TRPM3: variants seen among roughly 807,000 people sequenced by gnomAD.
TRPM3 encodes long transient receptor potential channel 3.
Under a neutral mutation model 181.2 loss-of-function variants are expected in TRPM3, and 77 were observed. The ratio of observed to expected loss-of-function variants is 0.42; its 90% CI spans 0.35 to 0.51. The LOEUF is 0.51. Among genes scored for constraint, TRPM3 ranks in the 20% least tolerant of loss-of-function variants. The pLI is 0.01. For synonymous variants in TRPM3, 745 were observed against 796.4 expected (o/e 0.94, Z 1.09); for missense variants, 1,759 against 2,196.7 (o/e 0.80, Z 3.98).
chr9:70,778,269 C>T (rs1232828767), intron 7 of TRPM3, among the ~76,000 whole-genome samples: 3 of 152,116 alleles, frequency 2.0e-5, no homozygotes, highest in Admixed American at 6.6e-5. Flanking sequence ...GTGAAGAATG[C>T]GCCACGCATT....
In TRPM3 at chr9:70,559,200, T is replaced by C. The variant is rs572763933; in HGVS notation, c.3224-5890A>G. On this transcript the variant is annotated intron_variant, in intron 22 of 25. Coordinates refer to ENST00000677713, the MANE Select transcript of TRPM3 (RefSeq NM_001366145.2). Reference sequence around the variant, plus strand: ...CTCTAGAACACTACCTGGCACATAGTAGGTGCTCAATAAACAATGGCTGAA... The same window carrying C: ...CTCTAGAACACTACCTGGCACATAGCAGGTGCTCAATAAACAATGGCTGAA... Among the ~76,000 whole-genome samples, 140 of 152,340 alleles carry C rather than the reference T, an allele frequency of 9.2e-4. 1 individual carries two copies. Among genetic ancestry groups the C allele is most frequent in the Non-Finnish European group, 1.7e-3 (115 of 68,030 alleles).
At chr9:71,342,087 T>A (rs1054055350) in intron 1 of TRPM3, among the ~76,000 whole-genome samples, 12 of 151,550 alleles carry the variant, frequency 7.9e-5, no homozygotes, top group African/African-American at 2.9e-4. Context: ...AGAAACACTA[T>A]TTCTCATCTA....
At position 70,824,154 on chromosome 9, in the gene TRPM3, G is replaced by A. The variant is rs888967923; in HGVS notation, c.973+3693C>T. 4.6e-5 allele frequency among the ~76,000 whole-genome samples: 7 copies of A among 152,286 alleles called. No individual in the cohort carries two copies. In the East Asian group the frequency reaches 5.8e-4, roughly 13 times the overall value. ...ACCATTTATGTAAGAAAACAGGCTC[G>A]TTGATAGGATACTACAGTATGCAGG... On this transcript the variant is annotated intron_variant, in intron 6 of 25. Transcript: ENST00000677713.
Position 70,537,054 on chromosome 9 carries a change from C to T in TRPM3, c.4059G>A (p.Ser1353=), listed in dbSNP as rs3739776. 898,376 of 1,611,172 alleles carry T rather than the reference C, an allele frequency of 0.56. 253,075 individuals carry two copies. Among genetic ancestry groups the T allele is most frequent in the East Asian group, 0.7 (31,514 of 44,786 alleles). ...MPRMRSHSFY[S]VNMKDKGGIE... is the part of the protein sequence containing the mutation. ...TACCACCTTTGTCTTTCATATTGAC[C>T]GAATAGAAAGAATGGCTTCGCATAC... The change falls in exon 26 of 26, where the codon TCG becomes TCA. Residue 1353 remains serine, a synonymous_variant. Coordinates refer to ENST00000677713, the MANE Select transcript of TRPM3 (RefSeq NM_001366145.2).
Position 70,583,275 on chromosome 9 carries a change from G to A in TRPM3, c.3223+7756C>T, listed in dbSNP as rs118039991. 9.8e-5 allele frequency among the ~76,000 whole-genome samples: 15 copies of A among 152,320 alleles called. No individual in the cohort carries two copies. The East Asian group carries it at 1.2e-3, about 12-fold the overall frequency. ...AAGAAATGTGAGTCTGCACATACACGTGAGAGTGTATGAGAGTGAACGCTA... is the reference window on the plus strand; with the variant it reads ...AAGAAATGTGAGTCTGCACATACACATGAGAGTGTATGAGAGTGAACGCTA... On this transcript the variant is annotated intron_variant, in intron 22 of 25. Coordinates refer to ENST00000677713, the MANE Select transcript of TRPM3 (RefSeq NM_001366145.2).
rs7864605 is a variant in TRPM3 at position 71,027,520 on chromosome 9, G to C, written c.177+93658C>G. Among the ~76,000 whole-genome samples the C allele has an allele frequency of 8.4e-3, 1,273 of 152,272 alleles. 21 individuals are homozygous for C. The highest frequency in any genetic ancestry group is 0.028 in the African/African-American group (1,153 of 41,562). ...TATGGATAGGAATGAAGATAATTAA[G>C]ATTCAGGAGAATACTGAAATCCAAT... On this transcript the variant is annotated intron_variant, in intron 1 of 25. Coordinates refer to ENST00000677713, the MANE Select transcript of TRPM3 (RefSeq NM_001366145.2).
At chr9:70,962,458 C>T (rs1218683254) in intron 1 of TRPM3, among the ~76,000 whole-genome samples, 1 of 152,094 alleles carries the variant, frequency 6.6e-6, no homozygotes, top group African/African-American at 2.4e-5. Context: ...GCTTTCAAGT[C>T]TCTCTGGTCT....
chr9:71,241,460 C>T (rs1477589047), intron 1 of TRPM3, among the ~76,000 whole-genome samples: 1 of 142,252 alleles, frequency 7.0e-6, no homozygotes, highest in African/African-American at 2.7e-5. Context: ...AACACATGGA[C>T]ACCGGAAGGG....
intron 1 of TRPM3, among the ~76,000 whole-genome samples, chr9:71,175,903 A>G (rs2077083568): frequency 6.6e-6 from 1 of 152,162 alleles, no homozygotes. Flanking sequence ...TGGTCCCATA[A>G]GATTATAACG....
At chr9:71,380,863 A>T (rs1402496517) in intron 1 of TRPM3, among the ~76,000 whole-genome samples, 1 of 152,056 alleles carries the variant, frequency 6.6e-6, no homozygotes, top group Admixed American at 6.6e-5. Context: ...AGAACTGCTT[A>T]ATACTTTCTA....
intron 1 of TRPM3, among the ~76,000 whole-genome samples, chr9:70,938,253 C>G (rs1337017): frequency 6.6e-6 from 1 of 151,924 alleles, no homozygotes; most frequent in Non-Finnish European, 1.5e-5. Context: ...AGTCAAACCA[C>G]GTAGAAACCA....
At chr9:70,682,187 T>C (rs532094693) in intron 8 of TRPM3, among the ~76,000 whole-genome samples, 3 of 152,284 alleles carry the variant, frequency 2.0e-5, no homozygotes, top group Admixed American at 6.5e-5. Flanking sequence ...ACTATGATTT[T>C]GGGGCCCTTG....
intron 1 of TRPM3, among the ~76,000 whole-genome samples, chr9:71,006,592 G>A (rs983495131): frequency 5.9e-5 from 9 of 152,088 alleles, no homozygotes; most frequent in East Asian, 1.9e-4. Flanking sequence ...ACTTTAAGCC[G>A]GGTATGGTGG....
intron 1 of TRPM3, among the ~76,000 whole-genome samples, chr9:71,205,179 G>A (rs1047046314): frequency 2.6e-5 from 4 of 151,936 alleles, no homozygotes; most frequent in Admixed American, 6.6e-5. Flanking sequence ...TAACCTGCAT[G>A]TTGTGCACAT....
chr9:70,931,213 G>A (rs1427554599), intron 1 of TRPM3, among the ~76,000 whole-genome samples: 6 of 152,086 alleles, frequency 3.9e-5, no homozygotes, highest in Non-Finnish European at 8.8e-5. Context: ...GCATTTATAT[G>A]TATGTATAAA....
intron 1 of TRPM3, among the ~76,000 whole-genome samples, chr9:71,367,444 C>T (rs867309768): frequency 3.3e-5 from 5 of 152,086 alleles, no homozygotes; most frequent in African/African-American, 1.2e-4. Flanking sequence ...TCTAAATTCA[C>T]CTGTAAAAGG....
intron 1 of TRPM3, among the ~76,000 whole-genome samples, chr9:71,080,265 CAACAGTAACACTA>C (rs1330817293): frequency 1.3e-5 from 2 of 151,866 alleles, no homozygotes; most frequent in African/African-American, 4.8e-5. Context: ...TGGAACGAGA[CAACAGTAACACTA>C]AAGGATGCTA....
chr9:71,333,040 C>T lies in TRPM3; in HGVS notation c.183+113613G>A, dbSNP rs146940426. ...TTTCAAGTATAATACTTGGACTCCA[C>T]GTGGTTATTTTGTCTCCCCAGGGTA... is the stretch of plus-strand genomic sequence containing the variant. On this transcript the variant is annotated intron_variant, in intron 1 of 24. Coordinates refer to the TRPM3 transcript ENST00000357533. Among the ~76,000 whole-genome samples the T allele has an allele frequency of 4.6e-5, 7 of 151,920 alleles. No individual in the cohort carries two copies. The East Asian group carries it at 1.2e-3, about 25-fold the overall frequency.
At chr9:70,665,084 C>A (rs11142536) in intron 9 of TRPM3, among the ~76,000 whole-genome samples, 2 of 151,972 alleles carry the variant, frequency 1.3e-5, no homozygotes, top group African/African-American at 4.8e-5. Flanking sequence ...TGGCTGACAG[C>A]GCCTCAGAAA....
Sources: allele counts gnomAD v4.1 joint callset (sites outside exome capture counted in the v4.1 genomes callset), GRCh38; gene constraint gnomAD v4.1.1; transcripts MANE v1.5; gene names NCBI Gene and HGNC (gene_info 2026-07-23, HGNC 2026-07-21).